The following CDH18 variants were observed in gnomAD, a reference collection of about 807,000 sequenced individuals.
CDH18 encodes cadherin-18.
A neutral mutation model predicts 67.9 loss-of-function variants in CDH18; 31 were observed. That is an observed-to-expected ratio of 0.46 (90% confidence interval 0.34 to 0.62). The LOEUF (loss-of-function observed/expected upper bound fraction) is 0.62, where lower values mean the gene tolerates loss of function less well. CDH18 is among the 20% of genes least tolerant of loss of function. The pLI is 0.01. For missense variants in CDH18, 890 were observed against 975.5 expected (o/e 0.91, Z 1.17); for synonymous variants, 362 against 347.2 (o/e 1.04, Z -0.48).
chr5:20,139,220 A>T (rs148729895), intron 2 of CDH18, among the ~76,000 whole-genome samples: 7,400 of 152,258 alleles, frequency 0.049, 259 homozygotes, highest in East Asian at 0.15. Context: ...TGGGGAAAGG[A>T]TTCCCTATGT....
chr5:19,605,168 G>T (rs1325745203), intron 6 of CDH18, among the ~76,000 whole-genome samples: 1 of 151,768 alleles, frequency 6.6e-6, no homozygotes, highest in Non-Finnish European at 1.5e-5. Context: ...TAATACAATT[G>T]AAATGTCATG....
chr5:20,419,258 T>C (rs1297266632), intron 1 of CDH18, among the ~76,000 whole-genome samples: 1 of 152,070 alleles, frequency 6.6e-6, no homozygotes, highest in Non-Finnish European at 1.5e-5. Context: ...TGCCCAGGCC[T>C]CTGTAAGTCC....
intron 10 of CDH18, among the ~76,000 whole-genome samples, chr5:19,506,155 A>T (rs1049041307): frequency 6.6e-6 from 1 of 152,182 alleles, no homozygotes; most frequent in Admixed American, 6.6e-5. Flanking sequence ...ACTCCCATTC[A>T]CAATTGCTTC....
chr5:19,610,986 C>A (rs1748859538), intron 6 of CDH18, among the ~76,000 whole-genome samples: 1 of 152,106 alleles, frequency 6.6e-6, no homozygotes, highest in Non-Finnish European at 1.5e-5. Context: ...TTAACTATGA[C>A]TATGATTTGC....
At chr5:20,176,725 G>A (rs979848487) in intron 2 of CDH18, among the ~76,000 whole-genome samples, 1 of 152,058 alleles carries the variant, frequency 6.6e-6, no homozygotes, top group African/African-American at 2.4e-5. Flanking sequence ...AGACAGATGT[G>A]GCCTATAAAT....
At chr5:19,772,556 C>T (rs1299391925) in intron 3 of CDH18, among the ~76,000 whole-genome samples, 3 of 152,148 alleles carry the variant, frequency 2.0e-5, no homozygotes, top group East Asian at 3.9e-4. Flanking sequence ...GCAGCCCTGT[C>T]CACACCTTGA....
At chr5:20,112,722 AAAAAAT>A (rs1747583921) in intron 2 of CDH18, among the ~76,000 whole-genome samples, 1 of 151,932 alleles carries the variant, frequency 6.6e-6, no homozygotes, top group African/African-American at 2.4e-5. Context: ...CAAAAAATAA[AAAAAAT>A]AAAATAAAAT....
chr5:19,881,768 A>G (rs1479341193), intron 2 of CDH18, among the ~76,000 whole-genome samples: 1 of 152,000 alleles, frequency 6.6e-6, no homozygotes, highest in Non-Finnish European at 1.5e-5. Context: ...GACCTCCCAA[A>G]GTGCTGGGGT....
At chr5:19,640,780 G>T (rs1185961431) in intron 5 of CDH18, among the ~76,000 whole-genome samples, 1 of 151,832 alleles carries the variant, frequency 6.6e-6, no homozygotes, top group African/African-American at 2.4e-5. Flanking sequence ...TAAGCCTCAA[G>T]AAACTAGAGA....
chr5:20,462,083 C>T (rs866030759), intron 1 of CDH18, among the ~76,000 whole-genome samples: 2 of 152,104 alleles, frequency 1.3e-5, no homozygotes, highest in Admixed American at 1.3e-4. Flanking sequence ...TTTATTATTT[C>T]ATTATTTACA....
At chr5:19,474,323 T>G (rs1339555826) in intron 12 of CDH18, among the ~76,000 whole-genome samples, 1 of 152,184 alleles carries the variant, frequency 6.6e-6, no homozygotes, top group Non-Finnish European at 1.5e-5. Context: ...AAATAATGTT[T>G]CATTATTTGT....
At chr5:19,921,494 G>A (rs1792471136) in intron 2 of CDH18, among the ~76,000 whole-genome samples, 1 of 148,064 alleles carries the variant, frequency 6.8e-6, no homozygotes, top group Non-Finnish European at 1.5e-5. Flanking sequence ...TCGCTCCACT[G>A]CACTCTAGCC....
intron 1 of CDH18, among the ~76,000 whole-genome samples, chr5:20,559,329 G>A (rs1703049): frequency 0.69 from 105,395 of 151,792 alleles, 36,957 homozygotes; most frequent in East Asian, 0.98. Context: ...TAAATCAAAT[G>A]TCTCATGTAA....
At chr5:19,965,917 G>A (rs889378431) in intron 2 of CDH18, among the ~76,000 whole-genome samples, 2 of 152,146 alleles carry the variant, frequency 1.3e-5, no homozygotes, top group African/African-American at 4.8e-5. Flanking sequence ...CAGAGACAGT[G>A]TGCATGCAGT....
At chr5:19,905,628 A>G (rs1236613368) in intron 2 of CDH18, among the ~76,000 whole-genome samples, 2 of 151,990 alleles carry the variant, frequency 1.3e-5, no homozygotes, top group African/African-American at 4.8e-5. Flanking sequence ...TGATGATAAT[A>G]TTATTTTTTT....
chr5:19,679,288 T>C (rs1046157064), intron 5 of CDH18, among the ~76,000 whole-genome samples: 4 of 152,016 alleles, frequency 2.6e-5, no homozygotes, highest in Admixed American at 2.0e-4. Flanking sequence ...AAACTAGGCA[T>C]TGAAGGAACA....
At chr5:19,758,980 G>A (rs532676768) in intron 3 of CDH18, among the ~76,000 whole-genome samples, 1 of 152,230 alleles carries the variant, frequency 6.6e-6, no homozygotes, top group Non-Finnish European at 1.5e-5. Context: ...CCAGAGAGTT[G>A]ATATACCTCT....
intron 2 of CDH18, among the ~76,000 whole-genome samples, chr5:19,994,734 TATATAGAGAGAGAGAGAGAGAGAG>T (rs1469852868): frequency 1.0e-3 from 10 of 9,936 alleles, no homozygotes; most frequent in African/African-American, 4.3e-3. Context: ...TATATATATA[TATATAGAGAGAGAGAGAGAGAGAG>T]AGAGAGAGAG....
chr5:20,213,570 T>C lies in CDH18; in HGVS notation c.-518+41874A>G, dbSNP rs142167369. On this transcript the variant is annotated intron_variant, in intron 2 of 14. Coordinates refer to the CDH18 transcript ENST00000507958. ...AATTTCAGAGCTCATTATTGGTTTG[T>C]TCAGGGTTTCAATTTCTTCCTGGTT... Among the ~76,000 whole-genome samples, 706 of 152,222 alleles carry C rather than the reference T, an allele frequency of 4.6e-3. 1 individual carries two copies. The highest frequency in any genetic ancestry group is 0.017 in the Middle Eastern group (5 of 294).
Sources: allele counts gnomAD v4.1 joint callset (sites outside exome capture counted in the v4.1 genomes callset), GRCh38; gene constraint gnomAD v4.1.1; transcripts MANE v1.5; gene names NCBI Gene and HGNC (gene_info 2026-07-23, HGNC 2026-07-21).